BTG4: variants seen among roughly 807,000 people sequenced by gnomAD.
BTG4 encodes the protein protein BTG4.
Under a neutral mutation model 19.3 loss-of-function variants are expected in BTG4, and 10 were observed. That is an observed-to-expected ratio of 0.52 (90% CI 0.32 to 0.88). The LOEUF is 0.88. BTG4 is among the 40% of genes least tolerant of loss of function. BTG4 has a pLI of 0.04. For missense variants in BTG4, 238 were observed against 281.9 expected (o/e 0.84, Z 1.11); for synonymous variants, 91 against 95.7 (o/e 0.95, Z 0.29).
chr11:111,487,101 G>A (rs776616767), intron 5 of BTG4, among the ~76,000 whole-genome samples: 13 of 152,098 alleles, frequency 8.5e-5, no homozygotes, highest in Non-Finnish European at 1.6e-4. Flanking sequence ...GTGTTAGTTT[G>A]CTAAGGATAA....
At chr11:111,471,265 T>C (rs144604450) in intron 5 of BTG4, among the ~76,000 whole-genome samples, 53 of 152,340 alleles carry the variant, frequency 3.5e-4, no homozygotes, top group Middle Eastern at 3.4e-3. Context: ...CTAGATTTCC[T>C]GAATCCTGCT....
intron 1 of BTG4, among the ~76,000 whole-genome samples, chr11:111,501,815 A>G (rs914670918): frequency 6.6e-6 from 1 of 152,220 alleles, no homozygotes; most frequent in African/African-American, 2.4e-5. Flanking sequence ...ATTTTTAAAA[A>G]TTGTTTAAAA....
At chr11:111,431,774 G>A in the BTG4 span, among the ~76,000 whole-genome samples, 2 of 152,168 alleles carry the variant, frequency 1.3e-5, no homozygotes, top group Non-Finnish European at 2.9e-5. Context: ...CTAATTAGAT[G>A]ACCTCTACGT....
chr11:111,477,492 G>A (rs1467302818), intron 5 of BTG4, among the ~76,000 whole-genome samples: 1 of 152,024 alleles, frequency 6.6e-6, no homozygotes, highest in African/African-American at 2.4e-5. Flanking sequence ...GTGATACATA[G>A]AATTCTATCT....
chr11:111,492,714 C>T (rs1343648772), downstream of BTG4, among the ~76,000 whole-genome samples: 1 of 152,168 alleles, frequency 6.6e-6, no homozygotes, highest in African/African-American at 2.4e-5. Flanking sequence ...TAGGGGCAGA[C>T]AGAATGCTGT....
At chr11:111,457,277 G>A in the BTG4 span, 1 of 152,682 alleles carries the variant, frequency 6.5e-6, no homozygotes, top group African/African-American at 2.4e-5. Flanking sequence ...CTCACTCTTG[G>A]GAGGACATAC....
At chr11:111,438,884 C>T in the BTG4 span, among the ~76,000 whole-genome samples, 2 of 152,212 alleles carry the variant, frequency 1.3e-5, no homozygotes, top group East Asian at 1.9e-4. Flanking sequence ...TATACCTTCC[C>T]GGTGGCACCT....
the BTG4 span, among the ~76,000 whole-genome samples, chr11:111,430,141 G>C: frequency 6.6e-6 from 1 of 152,210 alleles, no homozygotes; most frequent in Admixed American, 6.5e-5. Context: ...CCAAGGTTAA[G>C]AAACAACCAT....
chr11:111,426,433 A>T, the BTG4 span, among the ~76,000 whole-genome samples: 1 of 152,176 alleles, frequency 6.6e-6, no homozygotes, highest in African/African-American at 2.4e-5. Context: ...GAGAACACAC[A>T]ATAGAGAGAA....
At chr11:111,512,771 T>C (rs1248555076), upstream of BTG4, among the ~76,000 whole-genome samples, 1 of 151,750 alleles carries the variant, frequency 6.6e-6, no homozygotes, top group Non-Finnish European at 1.5e-5. Flanking sequence ...GCTACGCGTG[T>C]TGTGCGCTGC....
Position 111,498,714 on chromosome 11 carries a change from T to C in BTG4, c.63A>G (p.Lys21=), listed in dbSNP as rs759885561. The C allele has an allele frequency of 6.2e-7, 1 of 1,613,470 alleles. No homozygotes were observed. Among genetic ancestry groups the C allele is most frequent in the African/African-American group, 1.3e-5 (1 of 75,052 alleles). Residue 21 remains lysine, a synonymous_variant, in exon 2 of 5, where the codon AAA becomes AAG. Transcript: ENST00000692032. Reference sequence around the variant, plus strand: ...AGTCTTCTATTTGCTGTTTACTTAGTTTATCATGTTTTTTCACCAATCTTG... The same window carrying C: ...AGTCTTCTATTTGCTGTTTACTTAGCTTATCATGTTTTTTCACCAATCTTG... The part of the protein sequence containing the change: ...FVTRLVKKHD[K]LSKQQIEDFA...
intron 5 of BTG4, among the ~76,000 whole-genome samples, chr11:111,471,624 C>G (rs1465296879): frequency 6.6e-6 from 1 of 152,114 alleles, no homozygotes; most frequent in Non-Finnish European, 1.5e-5. Flanking sequence ...TCAGTCCCGT[C>G]CCCTTCTCCA....
At chr11:111,513,698 T>G (rs114807289), upstream of BTG4, among the ~76,000 whole-genome samples, 6,080 of 152,316 alleles carry the variant, frequency 0.04, 195 homozygotes, top group Admixed American at 0.093. Context: ...GTTTTGTTTT[T>G]TTTTCAATAT....
At chr11:111,464,862 G>A (rs981375071), downstream of BTG4, among the ~76,000 whole-genome samples, 4 of 152,218 alleles carry the variant, frequency 2.6e-5, no homozygotes, top group Admixed American at 1.3e-4. Flanking sequence ...AGGAATCAAA[G>A]TACCCTTATA....
At chr11:111,420,122 G>A in the BTG4 span, among the ~76,000 whole-genome samples, 2 of 152,334 alleles carry the variant, frequency 1.3e-5, no homozygotes, top group African/African-American at 4.8e-5. Flanking sequence ...AGTTCTCTCG[G>A]CAAAGGAAAG....
chr11:111,391,082 T>G, the BTG4 span, among the ~76,000 whole-genome samples: 1 of 152,200 alleles, frequency 6.6e-6, no homozygotes, highest in Middle Eastern at 3.2e-3. Flanking sequence ...CGATAAAGTC[T>G]CATTGATTAA....
intron 5 of BTG4, among the ~76,000 whole-genome samples, chr11:111,487,142 A>G (rs966667788): frequency 2.6e-5 from 4 of 152,198 alleles, no homozygotes; most frequent in African/African-American, 9.7e-5. Context: ...GTCCCTGGAA[A>G]AAACATGATC....
At chr11:111,506,012 A>G (rs569891666) in intron 1 of BTG4, among the ~76,000 whole-genome samples, 1 of 152,194 alleles carries the variant, frequency 6.6e-6, no homozygotes, top group East Asian at 1.9e-4. Context: ...GGGAATACTC[A>G]CACACTGTTG....
chr11:111,412,231 A>T, the BTG4 span, among the ~76,000 whole-genome samples: 1 of 152,252 alleles, frequency 6.6e-6, no homozygotes, highest in Non-Finnish European at 1.5e-5. Flanking sequence ...TGGAGATGTT[A>T]TGGCCTATCA....
Sources: gnomAD v4.1 joint callset for allele counts (sites outside exome capture counted in the v4.1 genomes callset) on GRCh38, gnomAD v4.1.1 for gene constraint, MANE v1.5 for transcripts, NCBI Gene and HGNC (gene_info 2026-07-23, HGNC 2026-07-21) for gene names.